Variants in VPS52 observed in about 807,000 individuals in gnomAD.
The protein encoded by VPS52 is VPS52 subunit of GARP complex, also known as vacuolar protein sorting-associated protein 52 homolog.
A neutral mutation model predicts 98.7 loss-of-function variants in VPS52; 56 were observed. That is an observed-to-expected ratio of 0.57 (90% confidence interval 0.46 to 0.71). VPS52 has a LOEUF of 0.71. VPS52 is among the 30% of genes least tolerant of loss of function. VPS52 has a pLI of 0.00. For missense variants in VPS52, 742 were observed against 925.9 expected (o/e 0.80, Z 2.58); for synonymous variants, 348 against 346.4 (o/e 1.00, Z -0.05).
intron 17 of VPS52, among the ~76,000 whole-genome samples, chr6:33,258,815 G>A (rs949957663): frequency 1.2e-4 from 18 of 152,060 alleles, no homozygotes; most frequent in Non-Finnish European, 2.1e-4. Flanking sequence ...TGATCCATCC[G>A]CCTCAGCCTC....
At position 33,264,867 on chromosome 6, in the gene VPS52, C is replaced by T. The variant is rs774111187; in HGVS notation, c.1315G>A (p.Asp439Asn). 9.9e-6 allele frequency: 16 copies of T among 1,612,880 alleles called. No homozygotes were observed. The highest frequency in any genetic ancestry group is 1.4e-5 in the Non-Finnish European group (16 of 1,180,022). Reference sequence around the variant, plus strand: ...ATACAGAGAAAAACAGCAATGGCATCGTAGCAGTCAGCTAGATAAGAATCC... The same window carrying T: ...ATACAGAGAAAAACAGCAATGGCATTGTAGCAGTCAGCTAGATAAGAATCC... ...HLDSYLADCY[D>N]AIAVFLCIHI... The change falls in exon 13 of 20, where the codon GAT (aspartate) becomes AAT (asparagine). Residue 439 changes from aspartate to asparagine, a missense_variant. This residue lies in a region of VPS52 where 590 missense variants were observed against 793.3 expected (regional missense o/e 0.74). Transcript: ENST00000445902.
Position 33,270,059 on chromosome 6 carries a change from TAGA to T in VPS52, c.176-11_176-9del. On this transcript the variant is annotated splice_polypyrimidine_tract_variant and intron_variant, in intron 2 of 19. Transcript: ENST00000445902. ...GATTTGCCTGAATGTGAACTGGAAA[TAGA>T]AGTTTATCATAAGGGTCCAGCTCCA... 3.7e-6 allele frequency: 6 copies of T among 1,614,158 alleles called. No individual in the cohort carries two copies. Among genetic ancestry groups the T allele is most frequent in the Non-Finnish European group, 5.1e-6 (6 of 1,180,010 alleles).
intron 3 of VPS52, 47 bp from the exon 4 acceptor site, chr6:33,269,866 G>A: frequency 1.3e-6 from 2 of 1,594,892 alleles, no homozygotes; most frequent in Admixed American, 1.7e-5. Flanking sequence ...CTCAGTAAAG[G>A]GACACTGTAA....
chr6:33,264,322 T>C (rs1250140474), intron 14 of VPS52, 52 bp downstream of exon 14: 1 of 1,603,264 alleles, frequency 6.2e-7, no homozygotes, highest in Non-Finnish European at 8.5e-7. Flanking sequence ...CCCACAATGA[T>C]GCTTAGAGCC....
chr6:33,263,664 G>C (rs1382475307), intron 16 of VPS52, 108 bp downstream of exon 16: 2 of 1,579,202 alleles, frequency 1.3e-6, no homozygotes, highest in Non-Finnish European at 1.7e-6. Context: ...GACTCCAAGA[G>C]TAAAACACTG....
chr6:33,264,630 G>A, intron 13 of VPS52, 133 bp from the exon 14 acceptor site: 1 of 1,464,558 alleles, frequency 6.8e-7, no homozygotes, highest in Non-Finnish European at 9.4e-7. Context: ...GGAGAAAGGT[G>A]AGTCAAAAAG....
In VPS52 at chr6:33,254,145, A is replaced by C. The variant is rs551348313; in HGVS notation, c.1795-2174T>G. Among the ~76,000 whole-genome samples, 181 of 152,100 alleles carry C rather than the reference A, an allele frequency of 1.2e-3. 1 individual carries two copies. The highest frequency in any genetic ancestry group is 4.0e-3 in the African/African-American group (166 of 41,478). On this transcript the variant is annotated intron_variant, in intron 17 of 19. Coordinates refer to ENST00000445902, the MANE Select transcript of VPS52 (RefSeq NM_022553.6). ...TAAAATTAGCCAGGTGTGGTGGTGCATGCCTGTAACCCCAGCTACTCAGGG... is the reference window on the plus strand; with the variant it reads ...TAAAATTAGCCAGGTGTGGTGGTGCCTGCCTGTAACCCCAGCTACTCAGGG...
In VPS52 at chr6:33,267,618, G is replaced by A. The variant is rs142283201; in HGVS notation, c.991+64C>T. ...AAAAGGTAAGGAGCAGTGCATTGGTGGCTGGAGTCGAAAGTCCTCCCACTC... is the reference window on the plus strand; with the variant it reads ...AAAAGGTAAGGAGCAGTGCATTGGTAGCTGGAGTCGAAAGTCCTCCCACTC... On this transcript the variant is annotated intron_variant, in intron 10 of 19. Transcript: ENST00000445902. The surrounding 1 kb of genome is among the most constrained non-coding windows in gnomAD (Gnocchi z 4.2). 2,689 of 1,578,456 alleles carry A rather than the reference G, an allele frequency of 1.7e-3. 46 individuals carry two copies. The highest frequency in any genetic ancestry group is 2.1e-4 in the Non-Finnish European group (245 of 1,150,316).
At chr6:33,255,713 A>C (rs1762857482) in intron 17 of VPS52, among the ~76,000 whole-genome samples, 1 of 151,528 alleles carries the variant, frequency 6.6e-6, no homozygotes, top group Admixed American at 6.6e-5. Context: ...GAATGGCATG[A>C]ACCCGGGAGG....
chr6:33,267,749 G>A lies in VPS52; in HGVS notation c.934-10C>T. The A allele has an allele frequency of 1.2e-6, 2 of 1,612,970 alleles. No individual in the cohort carries two copies. The highest frequency in any genetic ancestry group is 1.7e-6 in the Non-Finnish European group (2 of 1,179,994). On this transcript the variant is annotated splice_polypyrimidine_tract_variant and intron_variant, in intron 9 of 19. Coordinates refer to ENST00000445902, the MANE Select transcript of VPS52 (RefSeq NM_022553.6). The surrounding 1 kb of genome is among the most constrained non-coding windows in gnomAD (Gnocchi z 4.2). ...CAGCGACTTCCTCATACTAAGGAAAGAGAAAAGAGAACTGATAACCGTCTC... is the reference window on the plus strand; with the variant it reads ...CAGCGACTTCCTCATACTAAGGAAAAAGAAAAGAGAACTGATAACCGTCTC...
chr6:33,256,825 G>A (rs1490696398), intron 17 of VPS52, among the ~76,000 whole-genome samples: 2 of 137,090 alleles, frequency 1.5e-5, no homozygotes, highest in Non-Finnish European at 3.1e-5. Flanking sequence ...TGGGTGACAA[G>A]AGTGAGACTC....
rs1581536844 is a variant in VPS52, at chr6:33,251,224, C to G, written c.2026-237G>C. On this transcript the variant is annotated intron_variant, in intron 19 of 19. Transcript: ENST00000445902. The stretch of plus-strand genomic sequence containing the variant: ...GGTTGTGGTGGCAGGCACCTGTAAT[C>G]CCAGCTACTTGGGAGGCTGAGGCAG... 2.6e-5 allele frequency among the ~76,000 whole-genome samples: 4 copies of G among 152,032 alleles called. No homozygotes were observed. In the South Asian group the frequency reaches 8.3e-4, roughly 32 times the overall value.
At chr6:33,253,638 C>A (rs556685895) in intron 17 of VPS52, among the ~76,000 whole-genome samples, 109 of 151,958 alleles carry the variant, frequency 7.2e-4, no homozygotes, top group African/African-American at 2.5e-3. Flanking sequence ...ACCTGTAGTC[C>A]CAGTTACTTA....
At chr6:33,264,939 T>A (rs769657198) in intron 12 of VPS52, 39 bp from the exon 13 acceptor site, 5 of 1,548,444 alleles carry the variant, frequency 3.2e-6, no homozygotes, top group Non-Finnish European at 4.5e-6. Context: ...TAAAAGAGAA[T>A]GTCAGTTTGT....
chr6:33,266,920 C>T (rs965793333), intron 11 of VPS52, among the ~76,000 whole-genome samples: 2 of 152,176 alleles, frequency 1.3e-5, no homozygotes, highest in African/African-American at 4.8e-5. Flanking sequence ...CTACACCCAC[C>T]TGCTGTTGCT....
rs965684121 is a variant in VPS52 at position 33,266,691 on chromosome 6, G to A, written c.1147C>T (p.Arg383Cys). 8 of 1,611,218 alleles carry A rather than the reference G, an allele frequency of 5.0e-6. No homozygotes were observed. The highest frequency in any genetic ancestry group is 1.7e-5 in the Admixed American group (1 of 59,782). ...EQRYPFEALF[R>C]SQHYALLDNS... ...TCTAGGAGGGCGTAGTGCTGGCTGC[G>A]GAAGAGGGCCTCAAATGGATACTGG... Residue 383 changes from arginine to cysteine, a missense_variant, in exon 12 of 20, where the codon CGC becomes TGC. By Grantham distance (180) the Arg-to-Cys change is radical. This residue lies in a region of VPS52 where 590 missense variants were observed against 793.3 expected (regional missense o/e 0.74). Coordinates refer to ENST00000445902, the MANE Select transcript of VPS52 (RefSeq NM_022553.6).
chr6:33,251,955 A>C lies in VPS52; in HGVS notation c.1811T>G (p.Leu604Trp). Residue 604 changes from leucine (L) to tryptophan (W), a missense_variant, in exon 18 of 20, where the codon TTG (leucine) becomes TGG (tryptophan). By Grantham distance (61) the Leu-to-Trp change is moderately conservative. This residue lies in a region of VPS52 where 590 missense variants were observed against 793.3 expected (regional missense o/e 0.74). Coordinates refer to ENST00000445902, the MANE Select transcript of VPS52 (RefSeq NM_022553.6). ...NARTQEFIEE[L>W]LSPPFGGLVA... ...TAAACCCCCAAAAGGGGGAGACAGC[A>C]ACTCTTCAATGAATTCCTGGAAAGA... 1 of 1,613,170 alleles carries C rather than the reference A, an allele frequency of 6.2e-7. No homozygotes were observed. Among genetic ancestry groups the C allele is most frequent in the Non-Finnish European group, 8.5e-7 (1 of 1,180,044 alleles).
intron 17 of VPS52, among the ~76,000 whole-genome samples, chr6:33,257,545 C>T (rs9277962): frequency 0.35 from 52,872 of 151,902 alleles, 9,577 homozygotes; most frequent in East Asian, 0.6. Flanking sequence ...ACTACAGGTA[C>T]GCATCACCAC....
chr6:33,264,549 G>T lies in VPS52; in HGVS notation c.1401-52C>A, dbSNP rs756648142. Reference sequence around the variant, plus strand: ...CAGCCAGCAAGGAATGTTGGAGGGGGATGGGAGGGAGTGGGGCATCATTCA... The same window carrying T: ...CAGCCAGCAAGGAATGTTGGAGGGGTATGGGAGGGAGTGGGGCATCATTCA... On this transcript the variant is annotated intron_variant, in intron 13 of 19. Coordinates refer to ENST00000445902, the MANE Select transcript of VPS52 (RefSeq NM_022553.6). 1.1e-5 allele frequency: 18 copies of T among 1,610,064 alleles called. No individual in the cohort carries two copies. In the Middle Eastern group the frequency reaches 8.3e-4, roughly 74 times the overall value.
Sources: gnomAD v4.1 joint callset for allele counts (sites outside exome capture counted in the v4.1 genomes callset) on GRCh38, gnomAD v4.1.1 for gene constraint, gnomAD v4.1.1 regional missense constraint, Gnocchi (gnomAD v3.1) non-coding constraint, MANE v1.5 for transcripts, NCBI Gene and HGNC (gene_info 2026-07-23, HGNC 2026-07-21) for gene names.